Variants in SOBP observed in about 807,000 individuals in gnomAD.
SOBP encodes the protein sine oculis binding protein homolog, also known as sine oculis-binding protein homolog.
A neutral mutation model predicts 53.6 loss-of-function variants in SOBP; 4 were observed. The observed-to-expected ratio is 0.07, with a 90% confidence interval of 0.04 to 0.17. The LOEUF is 0.17. Ranked by LOEUF, SOBP falls within the 10% of genes least tolerant of loss-of-function variation. The pLI is 1.00. For synonymous variants in SOBP, 584 were observed against 522.6 expected, an observed-to-expected ratio of 1.12 and a Z score of -1.60; for missense variants, 1,088 against 1,204.7, an observed-to-expected ratio of 0.90 and a Z score of 1.43.
chr6:107,512,081 GAA>G (rs1322608489), intron 3 of SOBP, among the ~76,000 whole-genome samples: 1 of 151,802 alleles, frequency 6.6e-6, no homozygotes, highest in Non-Finnish European at 1.5e-5. Flanking sequence ...AAACTTATAA[GAA>G]TATTAGAAAA....
chr6:107,644,351 G>T (rs1771465589), intron 6 of SOBP, among the ~76,000 whole-genome samples: 1 of 152,156 alleles, frequency 6.6e-6, no homozygotes, highest in African/African-American at 2.4e-5. Flanking sequence ...TTGGATCTCA[G>T]TCTGTGTCCA....
At chr6:107,503,023 A>G (rs997228920) in intron 1 of SOBP, among the ~76,000 whole-genome samples, 4 of 152,174 alleles carry the variant, frequency 2.6e-5, no homozygotes, top group African/African-American at 7.2e-5. Flanking sequence ...AGCCTTCCAA[A>G]GTGCGGGATT....
intron 5 of SOBP, among the ~76,000 whole-genome samples, chr6:107,622,678 A>G (rs1770232693): frequency 6.6e-6 from 1 of 152,168 alleles, no homozygotes; most frequent in Admixed American, 6.5e-5. Flanking sequence ...GACACACCCC[A>G]CAGACATATC....
intron 5 of SOBP, among the ~76,000 whole-genome samples, chr6:107,632,799 C>T (rs963329085): frequency 6.6e-6 from 1 of 152,148 alleles, no homozygotes; most frequent in African/African-American, 2.4e-5. Flanking sequence ...AAAATGTTCT[C>T]TGGTGTTTGA....
At chr6:107,508,586 G>GA (rs201183925) in intron 3 of SOBP, among the ~76,000 whole-genome samples, 3 of 146,028 alleles carry the variant, frequency 2.1e-5, no homozygotes, top group African/African-American at 5.0e-5. Context: ...CTCAAAAAAA[G>GA]AAAAAAAAAA....
At chr6:107,620,211 C>T (rs1051080646) in intron 5 of SOBP, among the ~76,000 whole-genome samples, 3 of 152,182 alleles carry the variant, frequency 2.0e-5, no homozygotes, top group Non-Finnish European at 2.9e-5. Flanking sequence ...AGCACGAGGC[C>T]GTTAAAGATT....
chr6:107,619,393 T>C (rs1786920131), intron 5 of SOBP, among the ~76,000 whole-genome samples: 1 of 152,190 alleles, frequency 6.6e-6, no homozygotes, highest in Non-Finnish European at 1.5e-5. Context: ...AGTATGTTTC[T>C]TTTCTGCAGA....
In SOBP at chr6:107,643,304, G is replaced by A. The variant is rs17068433; in HGVS notation, c.*3+7835G>A. Among the ~76,000 whole-genome samples the A allele has an allele frequency of 6.5e-3, 989 of 152,234 alleles. 8 individuals carry two copies. The highest frequency in any genetic ancestry group is 0.02 in the South Asian group (98 of 4,830). On this transcript the variant is annotated intron_variant, in intron 6 of 6. Transcript: ENST00000317357. ...CAAGCTCTTTTGATATTTTAAACCC[G>A]TATTTAGAGTAATTTCAAGATATTT...
At position 107,535,641 on chromosome 6, in the gene SOBP, T is replaced by G. The variant is rs527431411; in HGVS notation, c.573+2031T>G. 5.2e-3 allele frequency among the ~76,000 whole-genome samples: 775 copies of G among 149,768 alleles called. 3 individuals are homozygous for G. The highest frequency in any genetic ancestry group is 0.011 in the African/African-American group (426 of 40,462). On this transcript the variant is annotated intron_variant, in intron 4 of 6. Transcript: ENST00000317357. ...TGTGTGTGTGTGTGTGTGTGTGTTT[T>G]TTTTTTTTCCAAATAGAGAAATAAA...
chr6:107,561,575 C>T (rs563495146), intron 4 of SOBP, among the ~76,000 whole-genome samples: 1 of 152,280 alleles, frequency 6.6e-6, no homozygotes, highest in East Asian at 1.9e-4. Context: ...GAGGTGCTTT[C>T]TCTTTTGTAG....
intron 3 of SOBP, among the ~76,000 whole-genome samples, chr6:107,524,942 C>T (rs1783619568): frequency 6.6e-6 from 1 of 152,188 alleles, no homozygotes; most frequent in South Asian, 2.1e-4. Context: ...CTCTCCTTTT[C>T]AAAGATTCTT....
intron 6 of SOBP, among the ~76,000 whole-genome samples, chr6:107,645,947 C>T (rs780070553): frequency 7.2e-5 from 11 of 152,176 alleles, no homozygotes; most frequent in South Asian, 2.1e-4. Context: ...GGGTGAGAAG[C>T]ATGAGGCTGG....
intron 4 of SOBP, among the ~76,000 whole-genome samples, chr6:107,573,627 G>A (rs914011696): frequency 6.6e-6 from 1 of 152,206 alleles, no homozygotes; most frequent in African/African-American, 2.4e-5. Flanking sequence ...AACCCTTTCT[G>A]TACTAATGTC....
At chr6:107,568,635 G>T (rs1425901919) in intron 4 of SOBP, among the ~76,000 whole-genome samples, 1 of 152,328 alleles carries the variant, frequency 6.6e-6, no homozygotes, top group Non-Finnish European at 1.5e-5. Context: ...GAGATGTGTT[G>T]AATGAGAAGG....
chr6:107,538,808 AT>A (rs1784074489), intron 4 of SOBP, among the ~76,000 whole-genome samples: 1 of 152,218 alleles, frequency 6.6e-6, no homozygotes, highest in African/African-American at 2.4e-5. Flanking sequence ...GAAATACAGA[AT>A]GGAATATTGA....
chr6:107,654,867 G>T (rs1771963982), intron 6 of SOBP, among the ~76,000 whole-genome samples: 1 of 151,652 alleles, frequency 6.6e-6, no homozygotes, highest in Admixed American at 6.6e-5. Context: ...GGCTCTGGGG[G>T]AGGGTGACTG....
intron 4 of SOBP, among the ~76,000 whole-genome samples, chr6:107,549,317 G>T (rs954553812): frequency 2.0e-5 from 3 of 151,734 alleles, no homozygotes; most frequent in African/African-American, 7.3e-5. Flanking sequence ...TAAATCCAGA[G>T]AATTAATTAT....
At position 107,635,709 on chromosome 6, in the gene SOBP, C is replaced by T. The variant is rs1771012324; in HGVS notation, c.*3+240C>T. 6.6e-6 allele frequency among the ~76,000 whole-genome samples: 1 copy of T among 152,142 alleles called. No homozygotes were observed. Among genetic ancestry groups the T allele is most frequent in the South Asian group, 2.1e-4 (1 of 4,820 alleles). ...GCCACAGCATGTGAGTGCCAAGCCC[C>T]GGGTCACTTACTTGAGGGGAGAGCT... On this transcript the variant is annotated intron_variant, in intron 6 of 6. Coordinates refer to ENST00000317357, the MANE Select transcript of SOBP (RefSeq NM_018013.4). This position sits in a 1 kb window ranked among gnomAD's most constrained non-coding sequence, Gnocchi z 4.5.
chr6:107,571,010 C>G (rs552854137), intron 4 of SOBP, among the ~76,000 whole-genome samples: 72 of 152,348 alleles, frequency 4.7e-4, no homozygotes, highest in Middle Eastern at 3.4e-3. Flanking sequence ...CTGTAGGCCA[C>G]TTGCATCTAC....
Sources: allele counts gnomAD v4.1 joint callset (sites outside exome capture counted in the v4.1 genomes callset), GRCh38; gene constraint gnomAD v4.1.1; non-coding constraint Gnocchi (gnomAD v3.1); transcripts MANE v1.5; gene names NCBI Gene and HGNC (gene_info 2026-07-23, HGNC 2026-07-21).